Variants in TACC3 observed in about 807,000 individuals in gnomAD.
TACC3 encodes the protein transforming acidic coiled-coil-containing protein 3.
TACC3 carries 52 observed loss-of-function variants against 86.0 expected under a neutral mutation model. The observed-to-expected ratio is 0.60, with a 90% CI of 0.48 to 0.76. TACC3 has a LOEUF of 0.76. Ranked by LOEUF, TACC3 falls within the 30% of genes least tolerant of loss-of-function variation. The pLI is 0.00. For missense variants in TACC3, 1,120 were observed against 1,070.4 expected (o/e 1.05, Z -0.65); for synonymous variants, 512 against 430.0 (o/e 1.19, Z -2.36).
chr4:1,736,725 A>G (rs915181380), intron 8 of TACC3, among the ~76,000 whole-genome samples: 3 of 152,184 alleles, frequency 2.0e-5, no homozygotes, highest in Middle Eastern at 3.4e-3. Context: ...CCTGGCCAAC[A>G]TAGTGAACCC....
intron 4 of TACC3, 41 bp downstream of exon 4, chr4:1,728,828 C>G: frequency 6.4e-7 from 1 of 1,552,764 alleles, no homozygotes; most frequent in Non-Finnish European, 8.7e-7. Flanking sequence ...CGTGGGGCAG[C>G]TGCCCTGCAG....
rs143381446 is a variant in TACC3, at chr4:1,743,388, T to C, written c.2224-1130T>C. Among the ~76,000 whole-genome samples the C allele has an allele frequency of 1.1e-3, 156 of 140,096 alleles. 2 individuals are homozygous for C. The East Asian group carries it at 0.026, about 23-fold the overall frequency. The allele number at this position is 140,096 out of a possible 152,430, so 91.9% of individuals were successfully genotyped here. On this transcript the variant is annotated intron_variant, in intron 13 of 15. Coordinates refer to ENST00000313288, the MANE Select transcript of TACC3 (RefSeq NM_006342.3). The stretch of plus-strand genomic sequence containing the variant: ...ACCAACATGGTGAAACCCTGTCTCT[T>C]CTAAAGATACAAAAATTAGCCGGGC...
At chr4:1,737,412 G>A (rs1718330990) in intron 9 of TACC3, 84 bp downstream of exon 9, 2 of 1,380,278 alleles carry the variant, frequency 1.4e-6, no homozygotes, top group South Asian at 1.2e-5. Flanking sequence ...TTCTATTCCT[G>A]GGGGTCTGAG....
At chr4:1,732,083 T>C (rs979715425) in intron 6 of TACC3, among the ~76,000 whole-genome samples, 2 of 151,086 alleles carry the variant, frequency 1.3e-5, no homozygotes, top group East Asian at 3.9e-4. Flanking sequence ...GTCTGTAAGA[T>C]TGGAGGCTGC....
chr4:1,720,993 G>A (rs1225923008), upstream of TACC3: 1 of 322,448 alleles, frequency 3.1e-6, no homozygotes, highest in Non-Finnish European at 5.7e-6. The surrounding 1 kb of genome is among the most constrained non-coding windows in gnomAD (Gnocchi z 4.4). Context: ...GCCGCCCGCG[G>A]GGCACTCTAG....
intron 13 of TACC3, 120 bp downstream of exon 13, chr4:1,741,106 C>T (rs1194839059): frequency 1.2e-5 from 12 of 982,246 alleles, no homozygotes; most frequent in Non-Finnish European, 1.7e-5. Context: ...CCCCTTGCCA[C>T]GGGGGCATGG....
rs763783934 is a variant in TACC3, at chr4:1,740,932, C to T, written c.2169C>T (p.Ser723=). The T allele has an allele frequency of 2.4e-5, 38 of 1,612,556 alleles. No homozygotes were observed. The highest frequency in any genetic ancestry group is 1.7e-4 in the South Asian group (15 of 90,876). ...TGAACTCCATGGAGAAGTCCTTCTC[C>T]GACCTCTTCAAGCGTTTTGAGAAAC... The part of the protein sequence containing the change: ...TDLNSMEKSF[S]DLFKRFEKQK... Residue 723 remains serine, a synonymous_variant, in exon 13 of 16, where the codon TCC becomes TCT. Transcript: ENST00000313288.
chr4:1,744,826 G>T lies in TACC3; in HGVS notation c.2445G>T (p.Glu815Asp), dbSNP rs202191373. Residue 815 changes from glutamate (E) to aspartate (D), a missense_variant, in exon 15 of 16, where the codon GAG (glutamate) becomes GAT (aspartate). By Grantham distance (45) the Glu-to-Asp change is conservative. Coordinates refer to ENST00000313288, the MANE Select transcript of TACC3 (RefSeq NM_006342.3). ...TCCAGTCGCTGGAGAAGACAGTGGAGCAGAAGGTGGGTGCGGGAAGCCCAG... is the reference window on the plus strand; with the variant it reads ...TCCAGTCGCTGGAGAAGACAGTGGATCAGAAGGTGGGTGCGGGAAGCCCAG... The part of the protein sequence containing the change: ...MRIQSLEKTV[E>D]QKTKENEELT... 2 of 1,612,932 alleles carry T rather than the reference G, an allele frequency of 1.2e-6. No individual in the cohort carries two copies. Among genetic ancestry groups the T allele is most frequent in the East Asian group, 4.5e-5 (2 of 44,872 alleles).
intron 3 of TACC3, among the ~76,000 whole-genome samples, 164 bp from the exon 4 acceptor site, chr4:1,727,544 C>A (rs1424346265): frequency 6.6e-6 from 1 of 152,146 alleles, no homozygotes; most frequent in Non-Finnish European, 1.5e-5. Flanking sequence ...GAAGGAACTA[C>A]ATTGAGGAAC....
chr4:1,722,330 C>G (rs1312349262), intron 1 of TACC3, among the ~76,000 whole-genome samples: 1 of 152,332 alleles, frequency 6.6e-6, no homozygotes, highest in African/African-American at 2.4e-5. Flanking sequence ...GGTCCCCCAG[C>G]GATCCAGCAC....
intron 6 of TACC3, among the ~76,000 whole-genome samples, chr4:1,734,422 A>C (rs1382335368): frequency 6.6e-6 from 1 of 152,180 alleles, no homozygotes; most frequent in Admixed American, 6.5e-5. Flanking sequence ...TCCTGACCTC[A>C]GGTGATCCAC....
Position 1,743,739 on chromosome 4 carries a change from G to A in TACC3, c.2224-779G>A, listed in dbSNP as rs1460181565. Among the ~76,000 whole-genome samples the A allele has an allele frequency of 3.4e-4, 51 of 152,132 alleles. 1 individual carries two copies. Among genetic ancestry groups the A allele is most frequent in the Non-Finnish European group, 1.5e-5 (1 of 68,016 alleles). On this transcript the variant is annotated intron_variant, in intron 13 of 15. Coordinates refer to ENST00000313288, the MANE Select transcript of TACC3 (RefSeq NM_006342.3). Reference sequence around the variant, plus strand: ...GCCGCTGTGGCGGGAGGCTTGACCTGTGCACACGTGAGAGCTTCCGGATGC... The same window carrying A: ...GCCGCTGTGGCGGGAGGCTTGACCTATGCACACGTGAGAGCTTCCGGATGC...
At position 1,735,307 on chromosome 4, in the gene TACC3, G is replaced by A. The variant is rs371688311; in HGVS notation, c.1626G>A (p.Glu542=). Residue 542 remains glutamate (E), a synonymous_variant, in exon 7 of 16, where the codon GAG becomes GAA. Coordinates refer to ENST00000313288, the MANE Select transcript of TACC3 (RefSeq NM_006342.3). This position sits in a 1 kb window ranked among gnomAD's most constrained non-coding sequence, Gnocchi z 4.2. ...LGTGAEVDYL[E]QFGTSSFKES... ...CGGGCGCGGAGGTGGATTACCTGGA[G>A]CAGTTTGGAACTTCCTCGGTAGGTA... is the stretch of plus-strand genomic sequence containing the variant. The A allele has an allele frequency of 2.0e-5, 33 of 1,613,954 alleles. No homozygotes were observed. The highest frequency in any genetic ancestry group is 2.0e-5 in the Non-Finnish European group (24 of 1,180,030).
chr4:1,737,054 A>T (rs1718307109), intron 8 of TACC3, among the ~76,000 whole-genome samples, 187 bp from the exon 9 acceptor site: 1 of 152,002 alleles, frequency 6.6e-6, no homozygotes, highest in South Asian at 2.1e-4. Context: ...CAGGTGAGGG[A>T]GGGGGGCACG....
intron 12 of TACC3, 46 bp downstream of exon 12, chr4:1,740,048 C>T (rs767410948): frequency 4.4e-6 from 7 of 1,596,912 alleles, no homozygotes; most frequent in East Asian, 4.5e-5. Context: ...CGAGGGGCTG[C>T]CTATGCCCCA....
chr4:1,737,600 G>A lies in TACC3; in HGVS notation c.1839G>A (p.Val613=), dbSNP rs1047611623. The change falls in exon 10 of 16, where the codon GTG becomes GTA. Residue 613 remains valine, a splice_region_variant and synonymous_variant. Coordinates refer to ENST00000313288, the MANE Select transcript of TACC3 (RefSeq NM_006342.3). ...TGTTTCATCCCCATCTCCCGCAGGT[G>A]CCAGGCCCACCCCCAGGTGTTCCCG... ...FDFLGALDIP[V]PGPPPGVPAP... 4 of 1,508,458 alleles carry A rather than the reference G, an allele frequency of 2.7e-6. No homozygotes were observed. The East Asian group carries it at 7.4e-5, about 28-fold the overall frequency. 93.4% of individuals were successfully genotyped at this position (1,508,458 alleles called of 1,614,324 possible).
At chr4:1,738,424 C>G (rs1017420223) in intron 10 of TACC3, 1 of 157,626 alleles carries the variant, frequency 6.3e-6, no homozygotes, top group African/African-American at 2.4e-5. Context: ...TTCCCTGTGT[C>G]AGAGCCCGTG....
rs141662165 is a variant in TACC3, at chr4:1,735,591, G to C, written c.1645-140G>C. Reference sequence around the variant, plus strand: ...GTGCTGCTGGGAATGGTGGTGTCTCGGGCAGGGTTGTGGGTGACCGGGGGT... The same window carrying C: ...GTGCTGCTGGGAATGGTGGTGTCTCCGGCAGGGTTGTGGGTGACCGGGGGT... On this transcript the variant is annotated intron_variant, in intron 7 of 15. Transcript: ENST00000313288. This position sits in a 1 kb window ranked among gnomAD's most constrained non-coding sequence, Gnocchi z 4.2. The C allele has an allele frequency of 2.6e-6, 2 of 782,466 alleles. No individual in the cohort carries two copies. The highest frequency in any genetic ancestry group is 3.8e-5 in the Admixed American group (2 of 53,050). 48.5% of individuals were successfully genotyped at this position (782,466 alleles called of 1,614,324 possible). A position where few individuals can be genotyped will look rare whatever the true frequency, so the allele number is the denominator to read the frequency against.
chr4:1,743,686 G>A (rs908719993), intron 13 of TACC3, among the ~76,000 whole-genome samples: 5 of 152,208 alleles, frequency 3.3e-5, no homozygotes, highest in African/African-American at 9.6e-5. Context: ...GTGTGTGGAC[G>A]GCAGCCCCCA....
Sources: gnomAD v4.1 joint callset for allele counts (sites outside exome capture counted in the v4.1 genomes callset) on GRCh38, gnomAD v4.1.1 for gene constraint, Gnocchi (gnomAD v3.1) non-coding constraint, MANE v1.5 for transcripts, NCBI Gene and HGNC (gene_info 2026-07-23, HGNC 2026-07-21) for gene names.